Variants in DMD observed in about 807,000 individuals in gnomAD.
The protein encoded by DMD is dystrophin, also known as mutant dystrophin.
A neutral mutation model predicts 330.1 loss-of-function variants in DMD; 63 were observed. The observed-to-expected ratio is 0.19, with a 90% CI of 0.16 to 0.24. The LOEUF (loss-of-function observed/expected upper bound fraction) is 0.24, where lower values mean the gene tolerates loss of function less well. Among genes scored for constraint, DMD ranks in the 10% least tolerant of loss-of-function variants. DMD has a pLI of 1.00. For missense variants in DMD, 3,344 were observed against 2,684.1 expected (o/e 1.25, Z -5.43); for synonymous variants, 1,223 against 959.8 (o/e 1.27, Z -5.07).
chrX:31,362,904 C>T (rs1288940797), intron 60 of DMD, among the ~76,000 whole-genome samples: 4 of 112,455 alleles, frequency 3.6e-5, no homozygotes, highest in African/African-American at 1.3e-4. Context: ...GAGCCGAGAT[C>T]GTGCCACTGC....
At chrX:32,795,350 C>G (rs2076106735) in intron 7 of DMD, among the ~76,000 whole-genome samples, 1 of 111,849 alleles carries the variant, frequency 8.9e-6, no homozygotes. Flanking sequence ...GACAAAAGCA[C>G]CAAGAACATG....
At chrX:32,380,408 T>C in intron 34 of DMD, 102 bp downstream of exon 34, 1 of 772,019 alleles carries the variant, frequency 1.3e-6, no homozygotes, top group African/African-American at 2.1e-5. Context: ...ACAATATTAA[T>C]ATTTATAATG....
At chrX:32,190,836 T>G (rs969659221) in intron 44 of DMD, among the ~76,000 whole-genome samples, 2 of 109,031 alleles carry the variant, frequency 1.8e-5, no homozygotes, top group Admixed American at 9.9e-5. Flanking sequence ...GGCAAGCACC[T>G]GAAGTATAGA....
rs72176984 is a variant in DMD at position 31,242,262 on chromosome X, C to CAAAAAAAAAA, written c.9286+18683_9286+18692dup. Among the ~76,000 whole-genome samples, 46 of 24,649 alleles carry CAAAAAAAAAA rather than the reference C, an allele frequency of 1.9e-3. 7 individuals carry two copies. Among genetic ancestry groups the CAAAAAAAAAA allele is most frequent in the Non-Finnish European group, 2.6e-3 (34 of 13,013 alleles). The allele number at this position is 24,649 out of a possible 115,157, so 21.4% of individuals were successfully genotyped here. The stretch of plus-strand genomic sequence containing the variant: ...CAAAGTGAGACCCTGTCTCAAAAAG[C>CAAAAAAAAAA]AAAAAAAAAAAAAAAAAAAAAAAAA... On this transcript the variant is annotated intron_variant, in intron 63 of 78. Transcript: ENST00000357033.
At chrX:32,855,855 A>G (rs1458956447) in intron 2 of DMD, among the ~76,000 whole-genome samples, 1 of 112,053 alleles carries the variant, frequency 8.9e-6, no homozygotes, top group Admixed American at 9.5e-5. Context: ...AGCAAGGAAT[A>G]CAATCAACAA....
At chrX:32,330,479 G>C (rs944431491) in intron 41 of DMD, among the ~76,000 whole-genome samples, 1 of 111,729 alleles carries the variant, frequency 9.0e-6, no homozygotes, top group Admixed American at 9.6e-5. Context: ...CAGTTGTTCT[G>C]GACATGCTCA....
intron 40 of DMD, 124 bp downstream of exon 40, chrX:32,343,009 AG>A (rs1293347484): frequency 2.9e-6 from 2 of 689,190 alleles, no homozygotes; most frequent in African/African-American, 4.3e-5. Flanking sequence ...ACACAATACA[AG>A]GAAATGCATC....
chrX:33,099,085 T>C (rs142326483), intron 1 of DMD, among the ~76,000 whole-genome samples: 1,198 of 112,365 alleles, frequency 0.011, 15 homozygotes, highest in African/African-American at 0.036. Flanking sequence ...CATTGATTTC[T>C]TTATTACGGC....
chrX:31,738,685 C>T lies in DMD; in HGVS notation c.7543-8937G>A, dbSNP rs150940984. ...ATTTGGAAGCAACCTAAGTGTCCATCAGTAGATGAATGGACAAAGAACATG... is the reference window on the plus strand; with the variant it reads ...ATTTGGAAGCAACCTAAGTGTCCATTAGTAGATGAATGGACAAAGAACATG... On this transcript the variant is annotated intron_variant, in intron 51 of 78. Coordinates refer to ENST00000357033, the MANE Select transcript of DMD (RefSeq NM_004006.3). Among the ~76,000 whole-genome samples the T allele has an allele frequency of 9.5e-3, 1,066 of 112,209 alleles. 16 individuals carry two copies. Among genetic ancestry groups the T allele is most frequent in the African/African-American group, 0.031 (969 of 30,959 alleles).
chrX:31,227,880 G>A (rs2046776892), intron 63 of DMD, among the ~76,000 whole-genome samples: 1 of 110,165 alleles, frequency 9.1e-6, no homozygotes, highest in African/African-American at 3.3e-5. Flanking sequence ...ATGATAGACT[G>A]GATTAAGAAA....
rs140567233 is a variant in DMD, at chrX:32,784,306, C to G, written c.649+25187G>C. On this transcript the variant is annotated intron_variant, in intron 7 of 78. Transcript: ENST00000357033. ...TGTTGACTTAAAATAGTTTAAAGAG[C>G]ATTTTCTCATGTTGGAGGTGATTAA... 9.8e-3 allele frequency among the ~76,000 whole-genome samples: 1,093 copies of G among 111,580 alleles called. 11 individuals are homozygous for G. The highest frequency in any genetic ancestry group is 0.034 in the African/African-American group (1,033 of 30,773).
chrX:32,857,717 A>G (rs1350924474), intron 2 of DMD, among the ~76,000 whole-genome samples: 2 of 111,811 alleles, frequency 1.8e-5, no homozygotes, highest in African/African-American at 3.3e-5. Context: ...AGACTGGGAA[A>G]GGTGAGAGAA....
intron 54 of DMD, among the ~76,000 whole-genome samples, chrX:31,653,098 C>T (rs921879737): frequency 1.8e-5 from 2 of 110,830 alleles, no homozygotes; most frequent in Non-Finnish European, 3.8e-5. Flanking sequence ...TTGCTACACA[C>T]AAAATAGGGC....
At chrX:32,791,833 G>T (rs1364505820) in intron 7 of DMD, among the ~76,000 whole-genome samples, 1 of 111,820 alleles carries the variant, frequency 8.9e-6, no homozygotes, top group Non-Finnish European at 1.9e-5. Context: ...AATAATAGAT[G>T]AAATCTTCCC....
At chrX:31,467,530 G>A (rs141231566) in intron 59 of DMD, among the ~76,000 whole-genome samples, 253 of 111,801 alleles carry the variant, frequency 2.3e-3, no homozygotes, top group African/African-American at 7.9e-3. Context: ...TGATCATGCT[G>A]GATAAGCTTT....
intron 4 of DMD, among the ~76,000 whole-genome samples, chrX:32,827,139 TTATC>T (rs2148873325): frequency 9.6e-6 from 1 of 103,804 alleles, no homozygotes; most frequent in African/African-American, 3.7e-5. Context: ...CCAATAAAAT[TTATC>T]TATATCCACA....
intron 72 of DMD, among the ~76,000 whole-genome samples, chrX:31,173,223 G>T (rs892269882): frequency 1.4e-4 from 15 of 110,818 alleles, no homozygotes; most frequent in African/African-American, 4.9e-4. Context: ...ATGAATGTCT[G>T]GTCTAGCAGT....
At chrX:31,202,232 T>TA (rs1330008788) in intron 67 of DMD, among the ~76,000 whole-genome samples, 1 of 111,673 alleles carries the variant, frequency 9.0e-6, no homozygotes, top group Non-Finnish European at 1.9e-5. Flanking sequence ...GATTAGGAAA[T>TA]AACTCGCGTT....
intron 60 of DMD, among the ~76,000 whole-genome samples, chrX:31,429,737 A>G (rs2063928178): frequency 9.7e-6 from 1 of 102,781 alleles, no homozygotes; most frequent in Admixed American, 1.0e-4. Context: ...TTGCCTGGAG[A>G]CATGATTCAC....
Sources: allele counts gnomAD v4.1 joint callset (sites outside exome capture counted in the v4.1 genomes callset), GRCh38; gene constraint gnomAD v4.1.1; transcripts MANE v1.5; gene names NCBI Gene and HGNC (gene_info 2026-07-23, HGNC 2026-07-21).